MECOM: variants seen among roughly 807,000 people sequenced by gnomAD.
MECOM encodes histone-lysine N-methyltransferase MECOM.
In MECOM, 13 loss-of-function variants were observed where a neutral mutation model predicts 116.3. The observed-to-expected ratio is 0.11, with a 90% confidence interval of 0.07 to 0.18. The LOEUF (loss-of-function observed/expected upper bound fraction) is 0.18, where lower values mean the gene tolerates loss of function less well. Ranked by LOEUF, MECOM falls within the 10% of genes least tolerant of loss-of-function variation. The pLI is 1.00. For missense variants in MECOM, 1,299 were observed against 1,509.0 expected (o/e 0.86, Z 2.31); for synonymous variants, 528 against 535.2 (o/e 0.99, Z 0.19).
At chr3:169,576,488 A>G (rs1173398636) in intron 1 of MECOM, among the ~76,000 whole-genome samples, 1 of 152,208 alleles carries the variant, frequency 6.6e-6, no homozygotes, top group Non-Finnish European at 1.5e-5. Context: ...TTATTCAGCC[A>G]GCGTAAGGAA....
At chr3:169,231,105 G>A (rs550733239) in intron 2 of MECOM, among the ~76,000 whole-genome samples, 3 of 152,034 alleles carry the variant, frequency 2.0e-5, no homozygotes, top group Non-Finnish European at 4.4e-5. Context: ...GGATGTTATT[G>A]CATCTATAGT....
intron 2 of MECOM, among the ~76,000 whole-genome samples, chr3:169,330,093 G>A (rs142191745): frequency 6.6e-5 from 10 of 152,140 alleles, no homozygotes; most frequent in African/African-American, 7.2e-5. Flanking sequence ...TGGTATGAAC[G>A]CAGCTCTCTG....
chr3:169,455,711 G>A (rs1746361164), intron 1 of MECOM, among the ~76,000 whole-genome samples: 1 of 152,150 alleles, frequency 6.6e-6, no homozygotes, highest in Non-Finnish European at 1.5e-5. Context: ...CTTTGAGAGA[G>A]CTCATATAAC....
chr3:169,334,052 A>G (rs1723182508), intron 2 of MECOM, among the ~76,000 whole-genome samples: 1 of 152,102 alleles, frequency 6.6e-6, no homozygotes, highest in South Asian at 2.1e-4. Context: ...TTAAAAAAAA[A>G]TAAATAAAAA....
intron 16 of MECOM, among the ~76,000 whole-genome samples, chr3:169,088,589 G>A (rs886492728): frequency 5.9e-5 from 9 of 152,072 alleles, no homozygotes; most frequent in African/African-American, 2.2e-4. Context: ...AGACATAGAA[G>A]GGGACAAAAA....
intron 2 of MECOM, among the ~76,000 whole-genome samples, chr3:169,179,320 T>C (rs1559958251): frequency 6.6e-6 from 1 of 152,194 alleles, no homozygotes; most frequent in Non-Finnish European, 1.5e-5. Context: ...ACTTCCACTC[T>C]CAATGCTAGT....
chr3:169,375,576 TA>T (rs570698086), intron 2 of MECOM, among the ~76,000 whole-genome samples: 6 of 152,150 alleles, frequency 3.9e-5, no homozygotes, highest in Middle Eastern at 3.4e-3. Flanking sequence ...CTAGAAAATC[TA>T]CAAGAAATGG....
chr3:169,182,708 C>CTAA (rs1746135585), intron 2 of MECOM, among the ~76,000 whole-genome samples: 1 of 152,164 alleles, frequency 6.6e-6, no homozygotes, highest in Non-Finnish European at 1.5e-5. Flanking sequence ...GCCTTCTGTA[C>CTAA]TAATGATTTT....
chr3:169,211,225 G>A (rs895008173), intron 2 of MECOM, among the ~76,000 whole-genome samples: 1 of 152,084 alleles, frequency 6.6e-6, no homozygotes, highest in African/African-American at 2.4e-5. Flanking sequence ...CAACGTGTGC[G>A]ATCTCTCTCT....
rs144335939 is a variant in MECOM at position 169,429,809 on chromosome 3, G to C, written c.38-48285C>G. Among the ~76,000 whole-genome samples the C allele has an allele frequency of 3.7e-3, 561 of 152,236 alleles. 2 individuals carry two copies. The highest frequency in any genetic ancestry group is 0.013 in the African/African-American group (527 of 41,542). On this transcript the variant is annotated intron_variant, in intron 1 of 16. Coordinates refer to ENST00000651503, the MANE Select transcript of MECOM (RefSeq NM_004991.4). The stretch of plus-strand genomic sequence containing the variant: ...ATGATATTACCACTTCTCTACGTCA[G>C]TGTATTGTTGTGAAGATCAAATAAG...
At chr3:169,323,991 A>T (rs1259280130) in intron 2 of MECOM, among the ~76,000 whole-genome samples, 1 of 152,178 alleles carries the variant, frequency 6.6e-6, no homozygotes. Flanking sequence ...TAGCTATGAC[A>T]TCAGCCCAGC....
At chr3:169,371,581 G>A (rs1379721923) in intron 2 of MECOM, among the ~76,000 whole-genome samples, 3 of 151,538 alleles carry the variant, frequency 2.0e-5, no homozygotes, top group African/African-American at 7.3e-5. Context: ...TAATTAGCTT[G>A]ATTGTGGTAA....
At chr3:169,337,164 G>C (rs9862248) in intron 2 of MECOM, among the ~76,000 whole-genome samples, 46 of 152,238 alleles carry the variant, frequency 3.0e-4, no homozygotes, top group African/African-American at 1.1e-3. Flanking sequence ...TAGCCAATAA[G>C]TTAAATTATA....
At chr3:169,576,299 A>G (rs1764486366) in intron 1 of MECOM, among the ~76,000 whole-genome samples, 1 of 152,196 alleles carries the variant, frequency 6.6e-6, no homozygotes, top group Non-Finnish European at 1.5e-5. Flanking sequence ...TGCTAGGCAC[A>G]ATAGACATAG....
intron 1 of MECOM, among the ~76,000 whole-genome samples, chr3:169,570,902 G>A (rs1391575185): frequency 3.3e-5 from 5 of 152,156 alleles, no homozygotes; most frequent in African/African-American, 4.8e-5. Context: ...GGCAAAAGCT[G>A]GAAACATTCC....
intron 1 of MECOM, among the ~76,000 whole-genome samples, chr3:169,536,354 T>TC: frequency 6.6e-6 from 1 of 150,610 alleles, no homozygotes; most frequent in East Asian, 1.9e-4. Context: ...CTCCTTTTTT[T>TC]TTTTTTTTTT....
intron 2 of MECOM, among the ~76,000 whole-genome samples, chr3:169,270,139 G>T (rs991212574): frequency 6.6e-5 from 10 of 152,046 alleles, no homozygotes; most frequent in African/African-American, 2.4e-4. Flanking sequence ...CACTGATCCC[G>T]GTAAGAAAGG....
intron 1 of MECOM, among the ~76,000 whole-genome samples, chr3:169,430,556 CT>C (rs142700990): frequency 0.013 from 1,946 of 152,168 alleles, 21 homozygotes; most frequent in South Asian, 0.03. Flanking sequence ...TAATTAGTTA[CT>C]TTGTATAATT....
chr3:169,581,499 A>C (rs1420004971), intron 1 of MECOM, among the ~76,000 whole-genome samples: 1 of 151,696 alleles, frequency 6.6e-6, no homozygotes, highest in Non-Finnish European at 1.5e-5. Context: ...AGAAACCCCT[A>C]ATTGCTTCAT....
Sources: gnomAD v4.1 joint callset for allele counts (sites outside exome capture counted in the v4.1 genomes callset) on GRCh38, gnomAD v4.1.1 for gene constraint, MANE v1.5 for transcripts, NCBI Gene and HGNC (gene_info 2026-07-23, HGNC 2026-07-21) for gene names.